Variants in MYO1A observed in about 807,000 individuals in gnomAD.
MYO1A encodes myosin IA.
In MYO1A, 127 loss-of-function variants were observed where a neutral mutation model predicts 138.5. The observed-to-expected ratio is 0.92, with a 90% CI of 0.79 to 1.06. MYO1A has a LOEUF of 1.06. Ranked by LOEUF, MYO1A falls within the 50% of genes least tolerant of loss-of-function variation. The pLI is 0.00. For missense variants in MYO1A, 1,211 were observed against 1,288.8 expected (o/e 0.94, Z 0.92); for synonymous variants, 477 against 497.5 (o/e 0.96, Z 0.55).
chr12:57,028,936 G>A (rs1592467121), intron 27 of MYO1A, 55 bp from the exon 28 acceptor site: 7 of 1,600,916 alleles, frequency 4.4e-6, no homozygotes, highest in Admixed American at 1.7e-5. Flanking sequence ...CCCGACTCCC[G>A]CATTTCCATG....
chr12:57,049,085 T>A (rs2031243473), intron 1 of MYO1A, among the ~76,000 whole-genome samples: 1 of 152,234 alleles, frequency 6.6e-6, no homozygotes, highest in African/African-American at 2.4e-5. Flanking sequence ...CATCTCTAGC[T>A]TTTACACCCA....
chr12:57,041,094 T>G, intron 14 of MYO1A, 90 bp downstream of exon 14: 2 of 934,102 alleles, frequency 2.1e-6, no homozygotes, highest in South Asian at 2.6e-5. Context: ...CTGGGGACGA[T>G]GTAGAGGAAA....
chr12:57,048,356 G>A lies in MYO1A; in HGVS notation c.-20-13C>T, dbSNP rs541374794. ...GGGGCCACTGATCCTGGGAATAAGA[G>A]GCACAGTTTGCTGATGTCCACTCAG... On this transcript the variant is annotated splice_polypyrimidine_tract_variant and intron_variant, in intron 1 of 27. Transcript: ENST00000300119. 2.0e-6 allele frequency: 3 copies of A among 1,509,040 alleles called. No homozygotes were observed. Among genetic ancestry groups the A allele is most frequent in the Admixed American group, 1.7e-5 (1 of 59,478 alleles). The allele number at this position is 1,509,040 out of a possible 1,614,324, so 93.5% of individuals were successfully genotyped here. A position where few individuals can be genotyped will look rare whatever the true frequency, so the allele number is the denominator to read the frequency against.
At chr12:57,031,205 A>G in intron 22 of MYO1A, 31 bp from the exon 23 acceptor site, 1 of 1,613,858 alleles carries the variant, frequency 6.2e-7, no homozygotes, top group South Asian at 1.1e-5. Flanking sequence ...TTGGGAGTGG[A>G]GTGATAAGAA....
rs764967970 is a variant in MYO1A, at chr12:57,038,552, G to A, written c.1620C>T (p.His540=). ...DLLQAMWKAQ[H]PLLRSLFPEG... ...CAGGAAACAAGGACCGAAGGAGGGGGTGCTGGGCCTTCCACATGGCCTGCA... is the reference window on the plus strand; with the variant it reads ...CAGGAAACAAGGACCGAAGGAGGGGATGCTGGGCCTTCCACATGGCCTGCA... The change falls in exon 17 of 28, where the codon CAC becomes CAT. Residue 540 remains histidine (H), a synonymous_variant. Transcript: ENST00000300119. 1.1e-5 allele frequency: 18 copies of A among 1,614,102 alleles called. No individual in the cohort carries two copies. Among genetic ancestry groups the A allele is most frequent in the Non-Finnish European group, 1.5e-5 (18 of 1,180,050 alleles).
chr12:57,038,792 C>T lies in MYO1A; in HGVS notation c.1533+17G>A, dbSNP rs114876057. 6.2e-4 allele frequency: 1,007 copies of T among 1,614,102 alleles called. 4 individuals carry two copies. The African/African-American group carries it at 0.012, about 19-fold the overall frequency. ...GGCCTGAGCCCTAATCTCTGCCCTCCAGCCCTGCCATTTCACCTTGCCCGC... is the reference window on the plus strand; with the variant it reads ...GGCCTGAGCCCTAATCTCTGCCCTCTAGCCCTGCCATTTCACCTTGCCCGC... On this transcript the variant is annotated intron_variant, in intron 16 of 27. Coordinates refer to ENST00000300119, the MANE Select transcript of MYO1A (RefSeq NM_005379.4).
At position 57,046,594 on chromosome 12, in the gene MYO1A, T is replaced by C; in HGVS notation, c.598A>G (p.Ile200Val). Residue 200 changes from isoleucine (I) to valine (V), a missense_variant, in exon 8 of 28, where the codon ATC (isoleucine) becomes GTC (valine). Coordinates refer to ENST00000300119, the MANE Select transcript of MYO1A (RefSeq NM_005379.4). ...GCTCCAGCCAGCAGCTGATAGAAGA[T>C]GTGGAAGTTCCTTTCTCCTTTGAGC... Reference protein sequence around the residue: ...KQLKGERNFHIFYQLLAGADE... With the variant: ...KQLKGERNFHVFYQLLAGADE... 6.2e-7 allele frequency: 1 copy of C among 1,614,066 alleles called. No individual in the cohort carries two copies. Among genetic ancestry groups the C allele is most frequent in the Non-Finnish European group, 8.5e-7 (1 of 1,180,004 alleles).
At chr12:57,046,757 A>G in intron 7 of MYO1A, 106 bp downstream of exon 7, 1 of 1,508,806 alleles carries the variant, frequency 6.6e-7, no homozygotes, top group East Asian at 2.3e-5. Flanking sequence ...GTGGTTGGGA[A>G]GTCTCCTTGA....
At chr12:57,041,160 G>C (rs757862990) in intron 14 of MYO1A, 24 bp downstream of exon 14, 1 of 1,563,722 alleles carries the variant, frequency 6.4e-7, no homozygotes, top group Admixed American at 1.7e-5. Context: ...TTTAAGAGGG[G>C]GAAGTAGAAA....
At position 57,038,575 on chromosome 12, in the gene MYO1A, G is replaced by GC; in HGVS notation, c.1596dup (p.Gln533AlafsTer17). ...GGGTGCTGGGCCTTCCACATGGCCT[G>GC]CAACAGGTCTCGGAAGAGTAGGTCA... On this transcript the variant is annotated frameshift_variant, in exon 17 of 28. Transcript: ENST00000300119. LOFTEE classifies it high-confidence loss of function. 1 of 1,614,210 alleles carries GC rather than the reference G, an allele frequency of 6.2e-7. No homozygotes were observed. Among genetic ancestry groups the GC allele is most frequent in the African/African-American group, 1.3e-5 (1 of 75,052 alleles).
At position 57,028,535 on chromosome 12, in the gene MYO1A, A is replaced by G. The variant is rs2030088130; in HGVS notation, c.*220T>C. ...CCCTGACTGAACCTTTCCAAGCCACATGTTTTATTAGTGTGCAGAGAGGCT... is the reference window on the plus strand; with the variant it reads ...CCCTGACTGAACCTTTCCAAGCCACGTGTTTTATTAGTGTGCAGAGAGGCT... On this transcript the variant is annotated 3_prime_UTR_variant, in exon 28 of 28. Transcript: ENST00000300119. 5.3e-6 allele frequency: 3 copies of G among 562,370 alleles called. No individual in the cohort carries two copies. Among genetic ancestry groups the G allele is most frequent in the Admixed American group, 3.2e-5 (1 of 31,438 alleles). The allele number at this position is 562,370 out of a possible 1,614,324, so 34.8% of individuals were successfully genotyped here.
chr12:57,047,847 G>T, intron 3 of MYO1A, 126 bp from the exon 4 acceptor site: 4 of 1,561,460 alleles, frequency 2.6e-6, no homozygotes, highest in Non-Finnish European at 3.5e-6. Context: ...GATGTGACAG[G>T]CCTTGGAAGG....
chr12:57,047,434 T>C (rs2031155138), intron 4 of MYO1A, 27 bp from the exon 5 acceptor site: 1 of 1,606,902 alleles, frequency 6.2e-7, no homozygotes, highest in Non-Finnish European at 8.5e-7. Context: ...CTCTCATGGG[T>C]CCCCACCCAG....
At chr12:57,044,979 G>A (rs1312623280) in intron 8 of MYO1A, among the ~76,000 whole-genome samples, 2 of 152,186 alleles carry the variant, frequency 1.3e-5, no homozygotes, top group Non-Finnish European at 2.9e-5. Context: ...AAAGTGGCAG[G>A]TAGCATGTTC....
intron 11 of MYO1A, 25 bp from the exon 12 acceptor site, chr12:57,043,183 G>C (rs746441577): frequency 1.2e-6 from 2 of 1,613,898 alleles, no homozygotes; most frequent in Non-Finnish European, 1.7e-6. Context: ...CAGCTGATTA[G>C]GGTGGCATCA....
intron 8 of MYO1A, among the ~76,000 whole-genome samples, chr12:57,044,976 C>A (rs1472909225): frequency 1.3e-5 from 2 of 152,184 alleles, no homozygotes; most frequent in Non-Finnish European, 2.9e-5. Flanking sequence ...AATAAAGTGG[C>A]AGGTAGCATG....
chr12:57,048,387 G>A, intron 1 of MYO1A, 44 bp from the exon 2 acceptor site: 1 of 1,165,070 alleles, frequency 8.6e-7, no homozygotes, highest in Admixed American at 1.8e-5. Context: ...CTCAGCTTTA[G>A]GGGCCAGTAA....
At position 57,031,039 on chromosome 12, in the gene MYO1A, C is replaced by T; in HGVS notation, c.2484+1G>A. The T allele has an allele frequency of 6.2e-7, 1 of 1,613,682 alleles. No individual in the cohort carries two copies. The highest frequency in any genetic ancestry group is 8.5e-7 in the Non-Finnish European group (1 of 1,179,914). On this transcript the variant is annotated splice_donor_variant, in intron 23 of 27. Coordinates refer to ENST00000300119, the MANE Select transcript of MYO1A (RefSeq NM_005379.4). LOFTEE classifies it high-confidence loss of function. ...AGGAGGGGTGCCTGGGCTCCACTTGCCTTCCACTGGTAGAAGAGCTGCTGC... is the reference window on the plus strand; with the variant it reads ...AGGAGGGGTGCCTGGGCTCCACTTGTCTTCCACTGGTAGAAGAGCTGCTGC...
At chr12:57,047,542 G>C (rs1434537472) in intron 4 of MYO1A, 85 bp downstream of exon 4, 1 of 1,519,842 alleles carries the variant, frequency 6.6e-7, no homozygotes, top group Admixed American at 1.7e-5. Flanking sequence ...GTGGGGTGGA[G>C]GGTCAGGTCT....
Sources: allele counts gnomAD v4.1 joint callset (sites outside exome capture counted in the v4.1 genomes callset), GRCh38; gene constraint gnomAD v4.1.1; transcripts MANE v1.5; gene names NCBI Gene and HGNC (gene_info 2026-07-23, HGNC 2026-07-21).